The following PRKCA variants were observed in gnomAD, a reference collection of about 807,000 sequenced individuals.
PRKCA encodes protein kinase C alpha type.
A neutral mutation model predicts 87.0 loss-of-function variants in PRKCA; 27 were observed. The ratio of observed to expected loss-of-function variants is 0.31; its 90% confidence interval spans 0.23 to 0.43. The LOEUF (loss-of-function observed/expected upper bound fraction) is 0.43. PRKCA is among the 20% of genes least tolerant of loss of function. The probability of loss-of-function intolerance (pLI) is 1.00; values close to 1 mark genes in which losing one functional copy is unlikely to be tolerated. For missense variants in PRKCA, 518 were observed against 852.3 expected, an observed-to-expected ratio of 0.61 and a Z score of 4.88; for synonymous variants, 329 against 311.1, an observed-to-expected ratio of 1.06 and a Z score of -0.61.
chr17:66,585,265 A>G (rs1567915205), intron 3 of PRKCA, among the ~76,000 whole-genome samples: 1 of 152,074 alleles, frequency 6.6e-6, no homozygotes, highest in Non-Finnish European at 1.5e-5. Flanking sequence ...CACCTGGTTG[A>G]CAGAAGGGAA....
At chr17:66,448,017 G>A (rs988325409) in intron 2 of PRKCA, among the ~76,000 whole-genome samples, 10 of 152,260 alleles carry the variant, frequency 6.6e-5, no homozygotes, top group African/African-American at 2.2e-4. Flanking sequence ...TGCCTTATTT[G>A]CCTTGGTATC....
chr17:66,675,009 A>G (rs1368127684), intron 5 of PRKCA, among the ~76,000 whole-genome samples: 1 of 152,230 alleles, frequency 6.6e-6, no homozygotes, highest in Non-Finnish European at 1.5e-5. Flanking sequence ...AACGCCTCCT[A>G]TCCAAAGGCA....
At chr17:66,472,617 G>A (rs1915371777) in intron 2 of PRKCA, among the ~76,000 whole-genome samples, 1 of 152,172 alleles carries the variant, frequency 6.6e-6, no homozygotes, top group Admixed American at 6.5e-5. Context: ...TTGATGTGAA[G>A]TCACTTGGAG....
At chr17:66,339,498 TTTC>T (rs1201430298) in intron 2 of PRKCA, among the ~76,000 whole-genome samples, 1 of 152,142 alleles carries the variant, frequency 6.6e-6, no homozygotes, top group East Asian at 1.9e-4. Flanking sequence ...GCTAAAAGTT[TTTC>T]TTATGTGACT....
chr17:66,777,248 A>G (rs1040790688), intron 14 of PRKCA: 1 of 985,266 alleles, frequency 1.0e-6, no homozygotes, highest in African/African-American at 1.7e-5. Context: ...TGCCTCTAGG[A>G]TGGGAGGCTG....
chr17:66,355,027 G>A (rs1043375704), intron 2 of PRKCA, among the ~76,000 whole-genome samples: 5 of 152,282 alleles, frequency 3.3e-5, no homozygotes, highest in South Asian at 2.1e-4. Flanking sequence ...TCGAGGGGGC[G>A]AAAACAGAGT....
At chr17:66,632,936 T>C (rs957031247) in intron 3 of PRKCA, among the ~76,000 whole-genome samples, 4 of 152,224 alleles carry the variant, frequency 2.6e-5, no homozygotes, top group African/African-American at 9.6e-5. Flanking sequence ...AAACCTGGTT[T>C]GACAGGTTCA....
At chr17:66,562,553 T>C (rs72845920) in intron 3 of PRKCA, among the ~76,000 whole-genome samples, 12,822 of 151,980 alleles carry the variant, frequency 0.084, 554 homozygotes, top group East Asian at 0.15. Flanking sequence ...TATCTGATAT[T>C]CCAGTGTATG....
intron 2 of PRKCA, among the ~76,000 whole-genome samples, chr17:66,420,145 G>A (rs1912404528): frequency 1.3e-5 from 2 of 151,844 alleles, no homozygotes; most frequent in Admixed American, 6.6e-5. Context: ...CCAAGTAGCT[G>A]GGACTGCAGA....
At chr17:66,423,594 C>A (rs374152639) in intron 2 of PRKCA, among the ~76,000 whole-genome samples, 6 of 152,232 alleles carry the variant, frequency 3.9e-5, no homozygotes, top group African/African-American at 1.4e-4. Flanking sequence ...GTCCTGGTCA[C>A]TGTCTGTGCT....
At chr17:66,608,206 C>CT (rs1970264288) in intron 3 of PRKCA, among the ~76,000 whole-genome samples, 1 of 151,950 alleles carries the variant, frequency 6.6e-6, no homozygotes, top group Admixed American at 6.5e-5. Context: ...CACCAATTGG[C>CT]TTTTGCTTTT....
chr17:66,640,505 C>T (rs541960551), intron 3 of PRKCA, among the ~76,000 whole-genome samples: 21 of 152,262 alleles, frequency 1.4e-4, no homozygotes, highest in Admixed American at 1.1e-3. Flanking sequence ...CTGAGTTTCC[C>T]TATAAAAAGC....
chr17:66,687,825 G>A lies in PRKCA; in HGVS notation c.687-477G>A, dbSNP rs575413303. Among the ~76,000 whole-genome samples, 37 of 152,286 alleles carry A rather than the reference G, an allele frequency of 2.4e-4. No individual in the cohort carries two copies. In the South Asian group the frequency reaches 7.7e-3, roughly 32 times the overall value. ...AAGGAGGGAATAAATAAATCAGGAG[G>A]ACTGAGTGTAGCTGAGGGAAAGCAA... is the stretch of plus-strand genomic sequence containing the variant. On this transcript the variant is annotated intron_variant, in intron 6 of 16. Coordinates refer to ENST00000413366, the MANE Select transcript of PRKCA (RefSeq NM_002737.3).
intron 14 of PRKCA, chr17:66,774,957 CA>C (rs1247759821): frequency 1.9e-5 from 19 of 985,254 alleles, no homozygotes; most frequent in African/African-American, 7.0e-5. Context: ...TATTGCCTAA[CA>C]TGGCACTTTC....
intron 3 of PRKCA, among the ~76,000 whole-genome samples, chr17:66,636,799 A>T (rs1971161631): frequency 6.6e-6 from 1 of 152,122 alleles, no homozygotes; most frequent in Admixed American, 6.5e-5. Context: ...AAATGACGTG[A>T]CTTTTCCAAG....
intron 2 of PRKCA, among the ~76,000 whole-genome samples, chr17:66,350,800 C>T (rs956266737): frequency 2.6e-5 from 4 of 152,180 alleles, no homozygotes; most frequent in Non-Finnish European, 4.4e-5. Context: ...GCTGGGATTA[C>T]AGACGTGAGG....
chr17:66,741,421 T>A (rs983297834), intron 11 of PRKCA, among the ~76,000 whole-genome samples: 6 of 152,202 alleles, frequency 3.9e-5, no homozygotes. Context: ...CTTGTCCACC[T>A]TCCCCATAAG....
At chr17:66,591,901 C>T (rs1369202755) in intron 3 of PRKCA, among the ~76,000 whole-genome samples, 1 of 152,076 alleles carries the variant, frequency 6.6e-6, no homozygotes, top group Non-Finnish European at 1.5e-5. Context: ...AAGCCAGTTG[C>T]CTTTGCTCTT....
intron 10 of PRKCA, among the ~76,000 whole-genome samples, chr17:66,738,114 T>TA (rs1974077838): frequency 6.6e-6 from 1 of 152,218 alleles, no homozygotes; most frequent in African/African-American, 2.4e-5. Context: ...GGGTCTATGA[T>TA]ACATGCCCAT....
Sources: gnomAD v4.1 joint callset for allele counts (sites outside exome capture counted in the v4.1 genomes callset) on GRCh38, gnomAD v4.1.1 for gene constraint, MANE v1.5 for transcripts, NCBI Gene and HGNC (gene_info 2026-07-23, HGNC 2026-07-21) for gene names.